PILRA: variants seen among roughly 807,000 people sequenced by gnomAD.
PILRA encodes paired immunoglobulin-like type 2 receptor alpha.
A neutral mutation model predicts 33.1 loss-of-function variants in PILRA; 37 were observed. The observed-to-expected ratio is 1.12, with a 90% CI of 0.86 to 1.47. The LOEUF is 1.47. Ranked by LOEUF, PILRA falls within the 40% of genes most tolerant of loss-of-function variation. PILRA has a pLI of 0.00. For missense variants in PILRA, 312 were observed against 376.2 expected (o/e 0.83, Z 1.41); for synonymous variants, 146 against 149.9 (o/e 0.97, Z 0.19).
chr7:100,390,587 A>C (rs1218051809), intron 3 of PILRA, among the ~76,000 whole-genome samples: 1 of 152,200 alleles, frequency 6.6e-6, no homozygotes, highest in Non-Finnish European at 1.5e-5. Flanking sequence ...CAGTTGCCTC[A>C]AGGACTAATT....
chr7:100,390,799 G>T (rs1371217503), intron 3 of PILRA, among the ~76,000 whole-genome samples: 1 of 152,112 alleles, frequency 6.6e-6, no homozygotes, highest in Non-Finnish European at 1.5e-5. Context: ...AGGAAGCTCA[G>T]TGCTGGTGGA....
chr7:100,374,355 C>G lies in PILRA; in HGVS notation c.376C>G (p.Arg126Gly), dbSNP rs141936238. The G allele has an allele frequency of 3.1e-6, 5 of 1,613,908 alleles. No individual in the cohort carries two copies. The African/African-American group carries it at 6.7e-5, about 22-fold the overall frequency. ...QKQDQSVYFC[R>G]VELDTRSSGR... ...GCAGGACCAGTCTGTGTATTTCTGC[C>G]GAGTTGAGCTGGACACACGGAGCTC... is the stretch of plus-strand genomic sequence containing the variant. The change falls in exon 2 of 7, where the codon CGA (arginine) becomes GGA (glycine). Residue 126 changes from arginine to glycine, a missense_variant. Transcript: ENST00000198536.
Position 100,373,688 on chromosome 7 carries a change from C to T in PILRA, c.32C>T (p.Pro11Leu), listed in dbSNP as rs780522436. 8 of 1,613,038 alleles carry T rather than the reference C, an allele frequency of 5.0e-6. No homozygotes were observed. The highest frequency in any genetic ancestry group is 4.4e-5 in the South Asian group (4 of 91,074). ...CGGCCCCTGCTGCTGCCCCTACTGC[C>T]CTTGCTGCTGCCGCCAGCATTTCTG... The part of the protein sequence containing the change: MGRPLLLPLL[P>L]LLLPPAFLQP... Residue 11 changes from proline (P) to leucine (L), a missense_variant, in exon 1 of 7, where the codon CCC (proline) becomes CTC (leucine). Physicochemically the swap from Pro to Leu is moderately conservative, Grantham distance 98. Coordinates refer to ENST00000198536, the MANE Select transcript of PILRA (RefSeq NM_013439.3).
chr7:100,395,466 TTTTGCTTTGC>T (rs1485803757), intron 3 of PILRA, among the ~76,000 whole-genome samples: 2 of 152,156 alleles, frequency 1.3e-5, no homozygotes, highest in African/African-American at 4.8e-5. Flanking sequence ...GAGAAATAAT[TTTTGCTTTGC>T]TTTGCTTTGT....
intron 3 of PILRA, among the ~76,000 whole-genome samples, chr7:100,392,777 G>T (rs1791415009): frequency 6.6e-6 from 1 of 152,148 alleles, no homozygotes; most frequent in African/African-American, 2.4e-5. Flanking sequence ...GTAATTCCAT[G>T]AATGGTGCTG....
chr7:100,398,411 G>C (rs934711953), intron 4 of PILRA, among the ~76,000 whole-genome samples: 6 of 152,154 alleles, frequency 3.9e-5, no homozygotes, highest in African/African-American at 7.2e-5. Context: ...CTCCAGGCTA[G>C]GGCCTCACTT....
rs182367491 is a variant in PILRA at position 100,396,567 on chromosome 7, G to A, written c.674-1312G>A. ...CTTGGGAGCTTGAGGCAGGAGAATC[G>A]CTTGAACCAGAGAGGCAGAGGTTAC... On this transcript the variant is annotated intron_variant, in intron 3 of 6. Coordinates refer to ENST00000198536, the MANE Select transcript of PILRA (RefSeq NM_013439.3). Among the ~76,000 whole-genome samples the A allele has an allele frequency of 3.1e-3, 475 of 152,038 alleles. 3 individuals are homozygous for A. Among genetic ancestry groups the A allele is most frequent in the African/African-American group, 0.011 (451 of 41,480 alleles).
intron 2 of PILRA, among the ~76,000 whole-genome samples, chr7:100,386,224 T>G (rs1791249663): frequency 6.6e-6 from 1 of 152,164 alleles, no homozygotes; most frequent in Admixed American, 6.5e-5. Flanking sequence ...TAAAAAAATT[T>G]TTTAGCTGCT....
chr7:100,376,706 C>T (rs943752280), intron 2 of PILRA, among the ~76,000 whole-genome samples: 11 of 150,634 alleles, frequency 7.3e-5, no homozygotes, highest in Admixed American at 2.6e-4. Context: ...AGATGATCTG[C>T]CCAGCTTGGC....
chr7:100,399,913 G>A lies in PILRA; in HGVS notation c.*6G>A. On this transcript the variant is annotated 3_prime_UTR_variant, in exon 7 of 7. Transcript: ENST00000198536. ...ACTCTGTCTTAAAGGCCTAACCAAT[G>A]GACAGCCCTCTCAAGACTGAATGGT... 2 of 1,597,158 alleles carry A rather than the reference G, an allele frequency of 1.3e-6. No homozygotes were observed. Among genetic ancestry groups the A allele is most frequent in the South Asian group, 1.1e-5 (1 of 88,846 alleles).
chr7:100,386,097 T>G (rs1430538424), intron 2 of PILRA, among the ~76,000 whole-genome samples: 1 of 151,832 alleles, frequency 6.6e-6, no homozygotes, highest in East Asian at 1.9e-4. Flanking sequence ...GCCCACCTAA[T>G]TTTTGTAGTT....
chr7:100,399,673 A>G, intron 6 of PILRA, 61 bp downstream of exon 6: 1 of 1,611,856 alleles, frequency 6.2e-7, no homozygotes, highest in Non-Finnish European at 8.5e-7. Flanking sequence ...GTGGGGTGGA[A>G]GGGAGAAGGG....
rs1790873108 is a variant in PILRA, at chr7:100,373,732, G to A, written c.64+12G>A. 1.9e-6 allele frequency: 3 copies of A among 1,612,768 alleles called. No individual in the cohort carries two copies. Among genetic ancestry groups the A allele is most frequent in the Non-Finnish European group, 2.5e-6 (3 of 1,179,926 alleles). ...ATTTCTGCAGCCTAGTGAGTACCCAGGACCACCCAGATGTGGGCTCTGCCC... is the reference window on the plus strand; with the variant it reads ...ATTTCTGCAGCCTAGTGAGTACCCAAGACCACCCAGATGTGGGCTCTGCCC... On this transcript the variant is annotated intron_variant, in intron 1 of 6. Coordinates refer to ENST00000198536, the MANE Select transcript of PILRA (RefSeq NM_013439.3).
intron 2 of PILRA, among the ~76,000 whole-genome samples, chr7:100,380,358 A>G (rs1374725577): frequency 5.3e-4 from 80 of 152,246 alleles, no homozygotes; most frequent in Admixed American, 5.2e-3. Context: ...TTCAGGGAGA[A>G]TAAAACTTTA....
chr7:100,385,139 C>T (rs1170257025), intron 2 of PILRA, among the ~76,000 whole-genome samples: 2 of 152,150 alleles, frequency 1.3e-5, no homozygotes, highest in African/African-American at 2.4e-5. Flanking sequence ...CAGCAATATT[C>T]GCATGCTGTT....
chr7:100,390,162 G>A (rs1791357538), intron 3 of PILRA, 56 bp downstream of exon 3: 10 of 1,470,576 alleles, frequency 6.8e-6, no homozygotes, highest in Non-Finnish European at 9.5e-6. Flanking sequence ...GTTTCTCAAA[G>A]CCCACCTGCA....
Position 100,373,491 on chromosome 7 carries a change from T to C in PILRA, c.-166T>C, listed in dbSNP as rs888042223. On this transcript the variant is annotated 5_prime_UTR_variant, in exon 1 of 7. Coordinates refer to ENST00000198536, the MANE Select transcript of PILRA (RefSeq NM_013439.3). The stretch of plus-strand genomic sequence containing the variant: ...TGGATAAAGGAAGTGCTGGTCACCC[T>C]GGAGGTGCACTGGTTTGGGGAAGGC... 142 of 719,554 alleles carry C rather than the reference T, an allele frequency of 2.0e-4. No individual in the cohort carries two copies. The highest frequency in any genetic ancestry group is 2.6e-4 in the Non-Finnish European group (109 of 411,612). The allele number at this position is 719,554 out of a possible 1,614,324, so 44.6% of individuals were successfully genotyped here.
intron 3 of PILRA, among the ~76,000 whole-genome samples, chr7:100,395,788 T>C (rs1342659486): frequency 6.6e-6 from 1 of 151,982 alleles, no homozygotes; most frequent in South Asian, 2.1e-4. Flanking sequence ...GGCTATAAAA[T>C]AGTGCAAATG....
chr7:100,399,145 T>C, intron 4 of PILRA, 146 bp from the exon 5 acceptor site: 1 of 593,106 alleles, frequency 1.7e-6, no homozygotes, highest in Non-Finnish European at 3.1e-6. Flanking sequence ...CGCTATGTTG[T>C]CCAGGCTGGT....
Sources: gnomAD v4.1 joint callset for allele counts (sites outside exome capture counted in the v4.1 genomes callset) on GRCh38, gnomAD v4.1.1 for gene constraint, MANE v1.5 for transcripts, NCBI Gene and HGNC (gene_info 2026-07-23, HGNC 2026-07-21) for gene names.